ZNF18: variants seen among roughly 807,000 people sequenced by gnomAD.
ZNF18 encodes the protein heart development-specific gene 1 protein.
Under a neutral mutation model 58.1 loss-of-function variants are expected in ZNF18, and 42 were observed. That is an observed-to-expected ratio of 0.72 (90% CI 0.56 to 0.93). The LOEUF (loss-of-function observed/expected upper bound fraction) is 0.93, where lower values mean the gene tolerates loss of function less well. ZNF18 is among the 40% of genes least tolerant of loss of function. ZNF18 has a pLI of 0.00. For missense variants in ZNF18, 540 were observed against 644.2 expected, an observed-to-expected ratio of 0.84 and a Z score of 1.75; for synonymous variants, 231 against 239.8, an observed-to-expected ratio of 0.96 and a Z score of 0.34.
chr17:11,995,215 C>T (rs565884991), intron 1 of ZNF18, among the ~76,000 whole-genome samples: 27 of 152,106 alleles, frequency 1.8e-4, no homozygotes, highest in African/African-American at 6.5e-4. Flanking sequence ...TCAAGACCAG[C>T]CTGTCCAACA....
chr17:11,978,074 C>CTGA lies in ZNF18; in HGVS notation c.1530_1532dup (p.His510dup). ...AAGGTTTCTCTCCAGTGTGAACCCT[C>CTGA]TGATGTCTATTAAAGTTTGATCTCT... On this transcript the variant is annotated inframe_insertion, in exon 7 of 7. Transcript: ENST00000580306. 6.2e-7 allele frequency: 1 copy of CTGA among 1,614,106 alleles called. No homozygotes were observed. The highest frequency in any genetic ancestry group is 1.7e-5 in the Admixed American group (1 of 60,012).
chr17:11,987,060 A>G (rs563984351), intron 4 of ZNF18, among the ~76,000 whole-genome samples: 2 of 152,244 alleles, frequency 1.3e-5, no homozygotes, highest in Admixed American at 6.5e-5. Context: ...CCTCTTTCTC[A>G]TATTTAGAAG....
chr17:12,009,746 C>A, the ZNF18 span, among the ~76,000 whole-genome samples: 2 of 152,280 alleles, frequency 1.3e-5, no homozygotes, highest in South Asian at 4.1e-4. Flanking sequence ...AGCCACCGCG[C>A]CTGGCCATTC....
Position 11,977,923 on chromosome 17 carries a change from A to C in ZNF18, c.*34T>G. 1 of 1,529,840 alleles carries C rather than the reference A, an allele frequency of 6.5e-7. No individual in the cohort carries two copies. Among genetic ancestry groups the C allele is most frequent in the African/African-American group, 1.4e-5 (1 of 72,050 alleles). 94.8% of individuals were successfully genotyped at this position (1,529,840 alleles called of 1,614,324 possible). ...TGAGTATTTTTGTGACTGGGCTGGG[A>C]GATAGAAATGGGGAAAGAGAGTTTG... On this transcript the variant is annotated 3_prime_UTR_variant, in exon 7 of 7. Transcript: ENST00000580306.
At chr17:11,991,973 C>T (rs908341409) in intron 2 of ZNF18, among the ~76,000 whole-genome samples, 2 of 152,148 alleles carry the variant, frequency 1.3e-5, no homozygotes, top group Non-Finnish European at 2.9e-5. Context: ...TAACGTAGCA[C>T]GCCAGGAGAA....
chr17:12,005,345 C>G, the ZNF18 span, among the ~76,000 whole-genome samples: 25 of 151,980 alleles, frequency 1.6e-4, no homozygotes, highest in African/African-American at 6.0e-4. Flanking sequence ...AATCAATACA[C>G]AAAATATTCC....
chr17:11,988,343 G>A (rs1302307695), intron 4 of ZNF18, among the ~76,000 whole-genome samples: 2 of 152,186 alleles, frequency 1.3e-5, no homozygotes, highest in Admixed American at 6.5e-5. Flanking sequence ...AGAGGATCCA[G>A]GCAGCAGCAC....
At chr17:12,007,373 G>A in the ZNF18 span, among the ~76,000 whole-genome samples, 1 of 152,202 alleles carries the variant, frequency 6.6e-6, no homozygotes. Context: ...TAGAGCGATT[G>A]TGGAAGAGGC....
chr17:11,984,240 A>G lies in ZNF18; in HGVS notation c.667-43T>C, dbSNP rs764015675. ...AAAGCAATACAATACCATGACTCCA[A>G]TGAAGGTGTTTGAACCTGCCTTCCC... On this transcript the variant is annotated intron_variant, in intron 4 of 6. Transcript: ENST00000580306. 64 of 1,569,008 alleles carry G rather than the reference A, an allele frequency of 4.1e-5. 1 individual carries two copies. In the East Asian group the frequency reaches 6.1e-4, roughly 15 times the overall value.
intron 2 of ZNF18, among the ~76,000 whole-genome samples, chr17:11,992,230 C>T (rs1177546022): frequency 6.6e-6 from 1 of 152,158 alleles, no homozygotes; most frequent in Non-Finnish European, 1.5e-5. Context: ...AGAACAGGAG[C>T]AGTCTTGGAT....
chr17:11,994,648 T>C (rs1198371272), intron 1 of ZNF18, among the ~76,000 whole-genome samples: 2 of 151,944 alleles, frequency 1.3e-5, no homozygotes, highest in Non-Finnish European at 2.9e-5. Flanking sequence ...GAGACCATCC[T>C]GGCTAACACG....
intron 2 of ZNF18, 61 bp from the exon 3 acceptor site, chr17:11,991,224 C>T (rs1435689787): frequency 7.6e-6 from 11 of 1,439,596 alleles, no homozygotes; most frequent in Non-Finnish European, 1.1e-5. Flanking sequence ...CTCTAAAAGA[C>T]ACAAAGCTTA....
chr17:11,993,794 A>G (rs1407982741), intron 1 of ZNF18: 1 of 116,870 alleles, frequency 8.6e-6, no homozygotes, highest in African/African-American at 3.2e-5. Context: ...ACTGCACTCC[A>G]GCCTGGGGGA....
rs894229710 is a variant in ZNF18 at position 11,991,135 on chromosome 17, A to G, written c.416T>C (p.Ile139Thr). ...TGGAGATTCCATCTTCTCTGATAAG[A>G]TGTCCTGTCCTAGAACCTGGATACT... ...WISIQVLGQD[I>T]LSEKMESPSC... The change falls in exon 3 of 7, where the codon ATC becomes ACC. Residue 139 changes from isoleucine to threonine, a missense_variant. Ile to Thr is a moderately conservative substitution (Grantham distance 89). Coordinates refer to ENST00000580306, the MANE Select transcript of ZNF18 (RefSeq NM_001303281.2). The G allele has an allele frequency of 3.7e-6, 6 of 1,614,074 alleles. No individual in the cohort carries two copies. Among genetic ancestry groups the G allele is most frequent in the Non-Finnish European group, 8.5e-7 (1 of 1,180,032 alleles).
At chr17:12,017,991 T>C in the ZNF18 span, among the ~76,000 whole-genome samples, 19 of 152,212 alleles carry the variant, frequency 1.2e-4, no homozygotes, top group Non-Finnish European at 1.5e-5. Context: ...CAGACGTTAC[T>C]CTTTCTCTGC....
chr17:12,000,491 C>T (rs1408737744), upstream of ZNF18, among the ~76,000 whole-genome samples: 2 of 152,076 alleles, frequency 1.3e-5, no homozygotes, highest in African/African-American at 4.8e-5. Flanking sequence ...GGCAGATCAC[C>T]TGAGGTCTGC....
chr17:11,982,714 GT>G (rs1967452758), intron 6 of ZNF18, among the ~76,000 whole-genome samples: 1 of 141,588 alleles, frequency 7.1e-6, no homozygotes, highest in South Asian at 2.4e-4. Context: ...TTCGCAATTA[GT>G]TTTTACGTAA....
the ZNF18 span, among the ~76,000 whole-genome samples, chr17:12,015,126 A>T: frequency 6.6e-6 from 1 of 152,354 alleles, no homozygotes; most frequent in South Asian, 2.1e-4. Context: ...TAGCTTCATA[A>T]AACTTAAACA....
rs1968544767 is a variant in ZNF18, at chr17:11,997,415, CCGCAAG to C, written c.-83+10_-83+15del. ...CGAGCGGCCGGAGGCCGGGACCGCCCCGCAAGCGCGCTCACCTCGGCCCGCGGCGCC... is the reference window on the plus strand; with the variant it reads ...CGAGCGGCCGGAGGCCGGGACCGCCCCGCGCTCACCTCGGCCCGCGGCGCC... On this transcript the variant is annotated intron_variant, in intron 1 of 6. Transcript: ENST00000580306. 1.3e-5 allele frequency: 2 copies of C among 152,218 alleles called. No homozygotes were observed. Among genetic ancestry groups the C allele is most frequent in the African/African-American group, 4.8e-5 (2 of 41,456 alleles). 9.4% of individuals were successfully genotyped at this position (152,218 alleles called of 1,614,324 possible).
Sources: allele counts gnomAD v4.1 joint callset (sites outside exome capture counted in the v4.1 genomes callset), GRCh38; gene constraint gnomAD v4.1.1; transcripts MANE v1.5; gene names NCBI Gene and HGNC (gene_info 2026-07-23, HGNC 2026-07-21).